Variants in RNF32 observed in about 807,000 individuals in gnomAD.
The protein encoded by RNF32 is ring finger protein 32.
Under a neutral mutation model 41.0 loss-of-function variants are expected in RNF32, and 36 were observed. The observed-to-expected ratio is 0.88, with a 90% CI of 0.67 to 1.16. The LOEUF (loss-of-function observed/expected upper bound fraction) is 1.16. RNF32 is among the 50% of genes most tolerant of loss of function. The pLI, the probability that RNF32 is intolerant of heterozygous loss-of-function variation, is 0.00. For missense variants in RNF32, 413 were observed against 436.7 expected (o/e 0.95, Z 0.48); for synonymous variants, 154 against 160.9 (o/e 0.96, Z 0.32).
rs367737717 is a variant in RNF32 at position 156,658,571 on chromosome 7, G to C, written c.684+1G>C. The C allele has an allele frequency of 3.1e-5, 49 of 1,587,320 alleles. No homozygotes were observed. In the South Asian group the frequency reaches 5.1e-4, roughly 16 times the overall value. ...AAGAAAAAAATTCTTTGAAAAAAAGGTAGGTAAAGATCATTATGTTCTCCA... is the reference window on the plus strand; with the variant it reads ...AAGAAAAAAATTCTTTGAAAAAAAGCTAGGTAAAGATCATTATGTTCTCCA... On this transcript the variant is annotated splice_donor_variant, in intron 7 of 8. Transcript: ENST00000317955. LOFTEE classifies it high-confidence loss of function.
chr7:156,658,184 A>G lies in RNF32; in HGVS notation c.507A>G (p.Arg169=), dbSNP rs766484812. ...FTNKKTCPLC[R]KNQYQTRVIH... ...ATAAGAAAACCTGTCCTCTCTGTAG[A>G]AAGAACCAGTATCAAACCCGAGTGA... The change falls in exon 6 of 9, where the codon AGA becomes AGG. Residue 169 remains arginine (R), a synonymous_variant. Transcript: ENST00000317955. 2 of 1,614,200 alleles carry G rather than the reference A, an allele frequency of 1.2e-6. No individual in the cohort carries two copies. The highest frequency in any genetic ancestry group is 1.7e-5 in the Admixed American group (1 of 60,024).
chr7:156,673,239 G>A (rs1044516017), intron 7 of RNF32, among the ~76,000 whole-genome samples: 2 of 152,184 alleles, frequency 1.3e-5, no homozygotes, highest in South Asian at 4.1e-4. Flanking sequence ...TTTGAAGGAA[G>A]AAAAGATCTT....
chr7:156,661,645 C>T (rs1800691931), intron 7 of RNF32, among the ~76,000 whole-genome samples: 1 of 152,172 alleles, frequency 6.6e-6, no homozygotes, highest in Admixed American at 6.5e-5. Flanking sequence ...TAGCTTACAG[C>T]AATGACCCAC....
intron 7 of RNF32, chr7:156,660,408 T>A (rs146873502): frequency 8.8e-5 from 43 of 489,610 alleles, no homozygotes; most frequent in African/African-American, 8.6e-4. Flanking sequence ...TCTCAGATGA[T>A]TTCAATAGCA....
At chr7:156,646,870 G>T (rs1221166107) in intron 3 of RNF32, among the ~76,000 whole-genome samples, 1 of 151,924 alleles carries the variant, frequency 6.6e-6, no homozygotes, top group Non-Finnish European at 1.5e-5. Flanking sequence ...TGTTTTTTTT[G>T]AGATGGAGTC....
At chr7:156,643,247 C>T (rs1488680847) in intron 1 of RNF32, among the ~76,000 whole-genome samples, 1 of 152,194 alleles carries the variant, frequency 6.6e-6, no homozygotes, top group African/African-American at 2.4e-5. Context: ...CGGTAGAGTT[C>T]AATTGGAACT....
upstream of RNF32, chr7:156,640,620 AT>A (rs1354595854): frequency 1.3e-5 from 5 of 395,916 alleles, no homozygotes; most frequent in Non-Finnish European, 2.5e-5. Context: ...GTTGGCAAGC[AT>A]GCGCAATGTG....
At chr7:156,650,958 T>C (rs1346586977) in intron 3 of RNF32, among the ~76,000 whole-genome samples, 1 of 152,198 alleles carries the variant, frequency 6.6e-6, no homozygotes, top group Non-Finnish European at 1.5e-5. Flanking sequence ...GGTCTCCATT[T>C]AATGCCACTT....
At chr7:156,660,003 C>G in intron 7 of RNF32, 1 of 985,496 alleles carries the variant, frequency 1.0e-6, no homozygotes, top group Non-Finnish European at 1.2e-6. Flanking sequence ...TAGCTCTGTC[C>G]CACTGGACGT....
intron 3 of RNF32, among the ~76,000 whole-genome samples, chr7:156,653,722 C>T (rs772826213): frequency 2.0e-5 from 3 of 152,188 alleles, no homozygotes; most frequent in African/African-American, 4.8e-5. Context: ...TGTTTCCCAC[C>T]GCACTATCAG....
chr7:156,641,385 A>G (rs1797290154), intron 1 of RNF32, among the ~76,000 whole-genome samples: 1 of 152,222 alleles, frequency 6.6e-6, no homozygotes, highest in Admixed American at 6.5e-5. Context: ...AGCGTTTAAT[A>G]CTGGGATTTA....
intron 3 of RNF32, among the ~76,000 whole-genome samples, 183 bp downstream of exon 3, chr7:156,644,940 G>A (rs1248339312): frequency 6.6e-6 from 1 of 152,082 alleles, no homozygotes; most frequent in African/African-American, 2.4e-5. Context: ...GAGCAAGAAG[G>A]TAAAGATAGT....
chr7:156,660,812 C>T (rs186169016), intron 7 of RNF32, among the ~76,000 whole-genome samples: 37 of 152,316 alleles, frequency 2.4e-4, no homozygotes, highest in African/African-American at 7.5e-4. Context: ...AAGTGCACCC[C>T]GGGCGGTTGG....
chr7:156,670,636 C>T lies in RNF32; in HGVS notation c.685-5060C>T, dbSNP rs115544614. Among the ~76,000 whole-genome samples, 483 of 152,238 alleles carry T rather than the reference C, an allele frequency of 3.2e-3. 6 individuals are homozygous for T. Among genetic ancestry groups the T allele is most frequent in the African/African-American group, 0.011 (461 of 41,528 alleles). On this transcript the variant is annotated intron_variant, in intron 7 of 8. Transcript: ENST00000317955. The surrounding 1 kb of genome is among the most constrained non-coding windows in gnomAD (Gnocchi z 4.3). ...GGAAGTGGCCAGGAACGAGGACAGACGATGGCAAACCCTGGGACCTGCAGA... is the reference window on the plus strand; with the variant it reads ...GGAAGTGGCCAGGAACGAGGACAGATGATGGCAAACCCTGGGACCTGCAGA...
At position 156,670,216 on chromosome 7, in the gene RNF32, C is replaced by T. The variant is rs557192165; in HGVS notation, c.685-5480C>T. ...TATTTCCCACCCACTAGGGCACACA[C>T]ATTTCCTTCTTTGCAGAGGAGCTGG... On this transcript the variant is annotated intron_variant, in intron 7 of 8. Transcript: ENST00000317955. This position sits in a 1 kb window ranked among gnomAD's most constrained non-coding sequence, Gnocchi z 4.3. 6.6e-6 allele frequency among the ~76,000 whole-genome samples: 1 copy of T among 152,362 alleles called. No homozygotes were observed. Among genetic ancestry groups the T allele is most frequent in the Admixed American group, 6.5e-5 (1 of 15,310 alleles).
chr7:156,666,759 A>G (rs1486076431), intron 7 of RNF32, among the ~76,000 whole-genome samples: 4 of 151,972 alleles, frequency 2.6e-5, no homozygotes, highest in African/African-American at 9.7e-5. Context: ...GTGTGTACAG[A>G]AAGTCCACAG....
intron 1 of RNF32, among the ~76,000 whole-genome samples, chr7:156,642,742 CCAGTGAGCCT>C (rs1797522322): frequency 6.6e-6 from 1 of 152,188 alleles, no homozygotes; most frequent in Non-Finnish European, 1.5e-5. Flanking sequence ...CGGGGACGCC[CCAGTGAGCCT>C]CACGTGCACA....
intron 3 of RNF32, chr7:156,646,625 G>C: frequency 1.6e-6 from 1 of 628,404 alleles, no homozygotes; most frequent in Non-Finnish European, 2.4e-6. Flanking sequence ...TGATAGGGGA[G>C]AACTTCCATT....
chr7:156,675,271 G>A (rs886971284), intron 7 of RNF32, among the ~76,000 whole-genome samples: 4 of 152,224 alleles, frequency 2.6e-5, no homozygotes, highest in Non-Finnish European at 4.4e-5. Context: ...TGGGAACCAC[G>A]GCAAGGCCTG....
Sources: gnomAD v4.1 joint callset for allele counts (sites outside exome capture counted in the v4.1 genomes callset) on GRCh38, gnomAD v4.1.1 for gene constraint, Gnocchi (gnomAD v3.1) non-coding constraint, MANE v1.5 for transcripts, NCBI Gene and HGNC (gene_info 2026-07-23, HGNC 2026-07-21) for gene names.